RNGTT: variants seen among roughly 807,000 people sequenced by gnomAD.
RNGTT encodes mRNA-capping enzyme.
RNGTT carries 33 observed loss-of-function variants against 79.3 expected under a neutral mutation model. That is an observed-to-expected ratio of 0.42 (90% confidence interval 0.32 to 0.56). RNGTT has a LOEUF of 0.56. RNGTT is among the 20% of genes least tolerant of loss of function. The pLI, the probability that RNGTT is intolerant of heterozygous loss-of-function variation, is 0.17. For synonymous variants in RNGTT, 222 were observed against 235.9 expected (o/e 0.94, Z 0.54); for missense variants, 497 against 739.1 (o/e 0.67, Z 3.80).
intron 12 of RNGTT, among the ~76,000 whole-genome samples, chr6:88,794,306 A>T (rs988401245): frequency 5.9e-5 from 9 of 152,224 alleles, no homozygotes; most frequent in Non-Finnish European, 1.3e-4. Context: ...AAAGCCACTG[A>T]TAAGTTTTTT....
At chr6:88,727,881 G>A (rs375687764) in intron 13 of RNGTT, among the ~76,000 whole-genome samples, 1 of 152,176 alleles carries the variant, frequency 6.6e-6, no homozygotes, top group South Asian at 2.1e-4. Flanking sequence ...TCTTTTAGCA[G>A]AGGTACCACC....
intron 8 of RNGTT, among the ~76,000 whole-genome samples, chr6:88,878,482 T>C (rs372963067): frequency 2.6e-5 from 4 of 152,234 alleles, no homozygotes; most frequent in South Asian, 4.1e-4. Context: ...GAAACAAATA[T>C]TTTACTTTTG....
At chr6:88,899,633 C>A (rs1482968064) in intron 6 of RNGTT, among the ~76,000 whole-genome samples, 1 of 151,970 alleles carries the variant, frequency 6.6e-6, no homozygotes, top group African/African-American at 2.4e-5. Context: ...TTAAAGAATT[C>A]ATTTGAAGAC....
rs189015044 is a variant in RNGTT at position 88,648,624 on chromosome 6, A to G, written c.1506+29729T>C. 1.0e-3 allele frequency among the ~76,000 whole-genome samples: 152 copies of G among 152,254 alleles called. 1 individual carries two copies. Among genetic ancestry groups the G allele is most frequent in the African/African-American group, 3.5e-3 (147 of 41,552 alleles). On this transcript the variant is annotated intron_variant, in intron 14 of 15. Transcript: ENST00000369485. ...CACACTTTGCTTTCTATTTTCCTAA[A>G]TTATCTGTCCATCCTTTTATTTCTA...
intron 4 of RNGTT, among the ~76,000 whole-genome samples, chr6:88,911,184 G>T (rs1258232514): frequency 1.3e-5 from 2 of 151,918 alleles, no homozygotes; most frequent in Non-Finnish European, 2.9e-5. Flanking sequence ...GACACAGGGT[G>T]GCAAGTTGAA....
chr6:88,630,689 G>A (rs1399848320), intron 14 of RNGTT, among the ~76,000 whole-genome samples: 2 of 151,760 alleles, frequency 1.3e-5, no homozygotes, highest in African/African-American at 2.4e-5. Flanking sequence ...CGGTGGGGAG[G>A]GGGTGACAGA....
intron 8 of RNGTT, among the ~76,000 whole-genome samples, chr6:88,866,903 G>C (rs1275906614): frequency 1.3e-5 from 2 of 152,046 alleles, no homozygotes; most frequent in Admixed American, 1.3e-4. Flanking sequence ...ACTAGGTATG[G>C]GACCTTGTAA....
intron 9 of RNGTT, among the ~76,000 whole-genome samples, chr6:88,851,945 T>C (rs1002562440): frequency 2.6e-5 from 4 of 152,082 alleles, no homozygotes; most frequent in African/African-American, 7.2e-5. Flanking sequence ...GTTAAATCTG[T>C]AGATGGTTAA....
rs1781508140 is a variant in RNGTT, at chr6:88,847,071, G to GT, written c.1105-2551dup. Among the ~76,000 whole-genome samples, 6 of 152,056 alleles carry GT rather than the reference G, an allele frequency of 3.9e-5. No individual in the cohort carries two copies. The South Asian group carries it at 1.0e-3, about 26-fold the overall frequency. ...CTAACAAATACATTAAAAAATGCCT[G>GT]TTTTTTAAAAATGTGTATACATACA... On this transcript the variant is annotated intron_variant, in intron 10 of 15. Transcript: ENST00000369485.
intron 1 of RNGTT, among the ~76,000 whole-genome samples, chr6:88,943,379 A>T (rs1784910621): frequency 6.6e-6 from 1 of 152,110 alleles, no homozygotes; most frequent in Non-Finnish European, 1.5e-5. Flanking sequence ...CACACCCAAC[A>T]TCCAATCCAT....
intron 8 of RNGTT, among the ~76,000 whole-genome samples, chr6:88,855,371 G>A (rs949018234): frequency 6.6e-6 from 1 of 152,116 alleles, no homozygotes; most frequent in Non-Finnish European, 1.5e-5. Context: ...AAATAGGAGA[G>A]CTGATGAAGG....
intron 2 of RNGTT, among the ~76,000 whole-genome samples, chr6:88,936,275 TCA>T (rs1359485824): frequency 6.6e-6 from 1 of 152,316 alleles, no homozygotes; most frequent in Non-Finnish European, 1.5e-5. Flanking sequence ...TCATCAGATC[TCA>T]GAGTTTTCTG....
At chr6:88,716,270 C>T (rs34092288) in intron 13 of RNGTT, among the ~76,000 whole-genome samples, 17,420 of 151,424 alleles carry the variant, frequency 0.12, 1,050 homozygotes, top group Middle Eastern at 0.23. Flanking sequence ...CAATGAGATA[C>T]CATCTCACAC....
At chr6:88,862,478 T>C (rs888226667) in intron 8 of RNGTT, among the ~76,000 whole-genome samples, 6 of 152,206 alleles carry the variant, frequency 3.9e-5, no homozygotes, top group African/African-American at 1.4e-4. Context: ...CCATGCTTCA[T>C]CCTATGCATC....
chr6:88,887,749 G>A (rs1217434859), intron 8 of RNGTT, among the ~76,000 whole-genome samples: 7 of 152,168 alleles, frequency 4.6e-5, no homozygotes, highest in Admixed American at 4.6e-4. Flanking sequence ...AGAAACAAGA[G>A]ACAAATTTTG....
Position 88,611,641 on chromosome 6 carries a change from T to A in RNGTT, c.*1078A>T, listed in dbSNP as rs953697741. ...AGAATTCTCGCTTTGAAAATAAATG[T>A]CTTGATTTCCTTGATATTTAGTTCC... On this transcript the variant is annotated 3_prime_UTR_variant, in exon 16 of 16. Coordinates refer to ENST00000369485, the MANE Select transcript of RNGTT (RefSeq NM_003800.5). 1 of 152,438 alleles carries A rather than the reference T, an allele frequency of 6.6e-6. No individual in the cohort carries two copies. Among genetic ancestry groups the A allele is most frequent in the African/African-American group, 2.4e-5 (1 of 41,448 alleles). 9.4% of individuals were successfully genotyped at this position (152,438 alleles called of 1,614,324 possible).
intron 4 of RNGTT, among the ~76,000 whole-genome samples, chr6:88,927,787 TCAC>T (rs1784369744): frequency 3.4e-5 from 5 of 147,080 alleles, no homozygotes; most frequent in Admixed American, 2.7e-4. Flanking sequence ...TGAGCCGAGA[TCAC>T]TCCACTGCAC....
chr6:88,900,742 T>C (rs1397842708), intron 6 of RNGTT, among the ~76,000 whole-genome samples: 1 of 67,812 alleles, frequency 1.5e-5, no homozygotes, highest in Non-Finnish European at 3.3e-5. Context: ...TCAAAAAAAA[T>C]AAATAAAAAG....
At chr6:88,826,854 G>GTGTGTA (rs552025961) in intron 11 of RNGTT, among the ~76,000 whole-genome samples, 1,827 of 137,974 alleles carry the variant, frequency 0.013, 52 homozygotes, top group African/African-American at 0.047. Flanking sequence ...ATGTGTGTGT[G>GTGTGTA]TATATATATA....
Sources: gnomAD v4.1 joint callset for allele counts (sites outside exome capture counted in the v4.1 genomes callset) on GRCh38, gnomAD v4.1.1 for gene constraint, MANE v1.5 for transcripts, NCBI Gene and HGNC (gene_info 2026-07-23, HGNC 2026-07-21) for gene names.